QPCT: variants seen among roughly 807,000 people sequenced by gnomAD.
QPCT encodes EC.
In QPCT, 44 loss-of-function variants were observed where a neutral mutation model predicts 43.4. The observed-to-expected ratio is 1.01, with a 90% CI of 0.80 to 1.30. QPCT has a LOEUF of 1.30. Among genes scored for constraint, QPCT ranks in the 50% most tolerant of loss-of-function variants. QPCT has a pLI of 0.00. For missense variants in QPCT, 526 were observed against 436.5 expected (o/e 1.21, Z -1.83); for synonymous variants, 168 against 168.4 (o/e 1.00, Z 0.02).
In QPCT at chr2:37,358,121, A is replaced by G. The variant is rs531207505; in HGVS notation, c.268-1459A>G. Among the ~76,000 whole-genome samples the G allele has an allele frequency of 9.5e-3, 1,428 of 150,742 alleles. 13 individuals carry two copies. Among genetic ancestry groups the G allele is most frequent in the Middle Eastern group, 0.017 (5 of 290 alleles). ...TATATGATACTTGAAAAAAAAAAAA[A>G]AAAGAAACAGCCTGGGCATGGTGGT... On this transcript the variant is annotated intron_variant, in intron 2 of 6. Coordinates refer to ENST00000338415, the MANE Select transcript of QPCT (RefSeq NM_012413.4).
intron 2 of QPCT, 53 bp from the exon 3 acceptor site, chr2:37,359,527 A>G: frequency 6.6e-6 from 10 of 1,526,146 alleles, no homozygotes; most frequent in Non-Finnish European, 7.1e-6. Flanking sequence ...CACAGTTAAC[A>G]AATGAAAGCC....
At chr2:37,353,596 G>C (rs1033651455) in intron 2 of QPCT, among the ~76,000 whole-genome samples, 1 of 152,132 alleles carries the variant, frequency 6.6e-6, no homozygotes, top group African/African-American at 2.4e-5. Flanking sequence ...CTGATTTCAA[G>C]ACCCATTGAT....
At chr2:37,361,548 C>T (rs1292737292) in intron 3 of QPCT, among the ~76,000 whole-genome samples, 6 of 152,216 alleles carry the variant, frequency 3.9e-5, no homozygotes, top group Non-Finnish European at 8.8e-5. Flanking sequence ...GCTTGCTCTT[C>T]CGTGTCTTTG....
intron 2 of QPCT, among the ~76,000 whole-genome samples, chr2:37,354,638 C>T (rs1252865629): frequency 6.6e-6 from 1 of 152,212 alleles, no homozygotes; most frequent in Admixed American, 6.5e-5. Context: ...AGCTCTCGAT[C>T]TTCTCAAGCC....
At chr2:37,348,155 G>A (rs1266420839) in intron 1 of QPCT, among the ~76,000 whole-genome samples, 1 of 152,126 alleles carries the variant, frequency 6.6e-6, no homozygotes, top group Non-Finnish European at 1.5e-5. Flanking sequence ...GTGGAAGTTA[G>A]TTGGGGGCTG....
chr2:37,347,240 A>ATAACATACATATATATATATATG (rs1272850015), intron 1 of QPCT, among the ~76,000 whole-genome samples: 4 of 127,214 alleles, frequency 3.1e-5, no homozygotes, highest in Non-Finnish European at 6.4e-5. Context: ...ACATATATAT[A>ATAACATACATATATATATATATG]TATATAACAT....
intron 1 of QPCT, among the ~76,000 whole-genome samples, chr2:37,346,403 A>G (rs151275950): frequency 1.8e-3 from 268 of 152,356 alleles, no homozygotes; most frequent in African/African-American, 6.2e-3. Flanking sequence ...GGAAGAGAAC[A>G]TTACAGACTG....
At chr2:37,356,542 G>A (rs891424459) in intron 2 of QPCT, among the ~76,000 whole-genome samples, 5 of 152,192 alleles carry the variant, frequency 3.3e-5, no homozygotes, top group South Asian at 2.1e-4. Context: ...AGTAGTGGTC[G>A]TTTGGGGAGT....
At chr2:37,346,837 C>T (rs1489775022) in intron 1 of QPCT, among the ~76,000 whole-genome samples, 4 of 151,916 alleles carry the variant, frequency 2.6e-5, no homozygotes, top group African/African-American at 9.7e-5. Context: ...TGGTGTTCGA[C>T]TATTTTAATC....
chr2:37,371,541 T>C (rs948997101), intron 5 of QPCT, among the ~76,000 whole-genome samples: 4 of 151,632 alleles, frequency 2.6e-5, no homozygotes, highest in African/African-American at 9.7e-5. Flanking sequence ...GCTTTCTCAA[T>C]GTTTCTAGAA....
intron 1 of QPCT, 129 bp downstream of exon 1, chr2:37,344,980 G>T: frequency 5.9e-6 from 8 of 1,356,190 alleles, no homozygotes; most frequent in Non-Finnish European, 7.7e-6. Context: ...CCAGGCACCG[G>T]CGCCCCACCC....
chr2:37,361,027 C>A (rs1303667521), intron 3 of QPCT, among the ~76,000 whole-genome samples: 1 of 151,852 alleles, frequency 6.6e-6, no homozygotes, highest in Non-Finnish European at 1.5e-5. Flanking sequence ...TTTTGGTGAC[C>A]AGAAATATTA....
chr2:37,356,304 T>C (rs1672743994), intron 2 of QPCT, among the ~76,000 whole-genome samples: 1 of 151,830 alleles, frequency 6.6e-6, no homozygotes, highest in African/African-American at 2.4e-5. Context: ...CATCTATCTC[T>C]GCTTTATCCC....
chr2:37,359,822 T>TG lies in QPCT; in HGVS notation c.511dup (p.Ala171GlyfsTer29). 6.2e-7 allele frequency: 1 copy of TG among 1,614,224 alleles called. No homozygotes were observed. Among genetic ancestry groups the TG allele is most frequent in the South Asian group, 1.1e-5 (1 of 91,088 alleles). ...TGCCATGTGCAATGATGTTGGAACT[T>TG]GCTCGTGCCTTAGACAAGAAACTCC... On this transcript the variant is annotated frameshift_variant, in exon 3 of 7. Transcript: ENST00000338415. LOFTEE classifies it high-confidence loss of function.
chr2:37,372,283 T>C (rs1456131437), intron 5 of QPCT, 73 bp from the exon 6 acceptor site: 19 of 1,112,294 alleles, frequency 1.7e-5, no homozygotes, highest in Non-Finnish European at 2.5e-5. Context: ...TCAAACTCCT[T>C]AAATAAGGAT....
Position 37,347,207 on chromosome 2 carries a change from C to T in QPCT, c.120+2356C>T, listed in dbSNP as rs5017957. 3.8e-4 allele frequency among the ~76,000 whole-genome samples: 11 copies of T among 28,976 alleles called. 1 individual carries two copies. Among genetic ancestry groups the T allele is most frequent in the Admixed American group, 1.2e-3 (2 of 1,616 alleles). The allele number at this position is 28,976 out of a possible 152,430, so 19.0% of individuals were successfully genotyped here. A position where few individuals can be genotyped will look rare whatever the true frequency, so the allele number is the denominator to read the frequency against. Reference sequence around the variant, plus strand: ...ATATATATATAACATATATATATAACATATATATAACATATATATATAACA... The same window carrying T: ...ATATATATATAACATATATATATAATATATATATAACATATATATATAACA... On this transcript the variant is annotated intron_variant, in intron 1 of 6. Transcript: ENST00000338415.
In QPCT at chr2:37,373,138, C is replaced by T. The variant is rs1673116454; in HGVS notation, c.*311C>T. ...GGCAAAATCAGGTTCATTCATTCAA[C>T]GATAGTTTCTCAACAGTACTTAAAT... On this transcript the variant is annotated 3_prime_UTR_variant, in exon 7 of 7. Transcript: ENST00000338415. The T allele has an allele frequency of 1.0e-5, 2 of 191,668 alleles. No individual in the cohort carries two copies. The highest frequency in any genetic ancestry group is 2.1e-5 in the Non-Finnish European group (2 of 94,582). 11.9% of individuals were successfully genotyped at this position (191,668 alleles called of 1,614,324 possible). A position where few individuals can be genotyped will look rare whatever the true frequency, so the allele number is the denominator to read the frequency against.
rs1348530896 is a variant in QPCT, at chr2:37,359,563, T to G, written c.268-17T>G. 1 of 1,580,948 alleles carries G rather than the reference T, an allele frequency of 6.3e-7. No homozygotes were observed. On this transcript the variant is annotated splice_polypyrimidine_tract_variant and intron_variant, in intron 2 of 6. Transcript: ENST00000338415. ...ATTTCTTTAGATCTAAATTTTTTGT[T>G]TTTTTGTTTTGATCAGCACATCATG...
chr2:37,371,479 A>G (rs1018895094), intron 5 of QPCT, among the ~76,000 whole-genome samples: 2 of 150,666 alleles, frequency 1.3e-5, no homozygotes, highest in African/African-American at 4.9e-5. Flanking sequence ...ATGGTAAAGG[A>G]ATTATAAGTA....
Sources: gnomAD v4.1 joint callset for allele counts (sites outside exome capture counted in the v4.1 genomes callset) on GRCh38, gnomAD v4.1.1 for gene constraint, MANE v1.5 for transcripts, NCBI Gene and HGNC (gene_info 2026-07-23, HGNC 2026-07-21) for gene names.